Variants in LARGE1 observed in about 807,000 individuals in gnomAD.
The protein encoded by LARGE1 is xylosyl- and glucuronyltransferase LARGE1.
LARGE1 carries 43 observed loss-of-function variants against 87.6 expected under a neutral mutation model. The ratio of observed to expected loss-of-function variants is 0.49; its 90% CI spans 0.38 to 0.63. LARGE1 has a LOEUF of 0.63. Among genes scored for constraint, LARGE1 ranks in the 30% least tolerant of loss-of-function variants. The pLI is 0.00. For missense variants in LARGE1, 802 were observed against 1,000.2 expected, an observed-to-expected ratio of 0.80 and a Z score of 2.67; for synonymous variants, 434 against 394.6, an observed-to-expected ratio of 1.10 and a Z score of -1.18.
intron 9 of LARGE1, among the ~76,000 whole-genome samples, chr22:33,378,906 T>C (rs2065068902): frequency 6.6e-6 from 1 of 152,140 alleles, no homozygotes. Context: ...CTCCTGAAAC[T>C]CTGGGAAACA....
At chr22:33,801,272 T>A (rs2086152644) in intron 1 of LARGE1, among the ~76,000 whole-genome samples, 1 of 152,192 alleles carries the variant, frequency 6.6e-6, no homozygotes, top group African/African-American at 2.4e-5. Context: ...AATGTACTAA[T>A]ACATATGGTA....
At chr22:33,881,546 C>G (rs1170870883) in intron 1 of LARGE1, among the ~76,000 whole-genome samples, 2 of 152,194 alleles carry the variant, frequency 1.3e-5, no homozygotes, top group Non-Finnish European at 2.9e-5. Flanking sequence ...CAGAGTCTTA[C>G]AAAAATATGT....
intron 2 of LARGE1, among the ~76,000 whole-genome samples, chr22:33,670,625 T>C (rs776836987): frequency 1.8e-4 from 27 of 152,122 alleles, no homozygotes; most frequent in Non-Finnish European, 3.2e-4. Flanking sequence ...TAGTTCACAG[T>C]TTCAACATTA....
intron 1 of LARGE1, among the ~76,000 whole-genome samples, chr22:33,831,749 T>TACACACAC (rs5845118): frequency 0.024 from 3,495 of 146,822 alleles, 65 homozygotes; most frequent in African/African-American, 0.043. Flanking sequence ...CACATGCATG[T>TACACACAC]ACACACACAC....
intron 1 of LARGE1, among the ~76,000 whole-genome samples, chr22:33,789,973 T>G (rs1351727063): frequency 6.6e-6 from 1 of 152,054 alleles, no homozygotes; most frequent in Non-Finnish European, 1.5e-5. Context: ...GAAGGCATAA[T>G]TGGTTTTGAA....
intron 4 of LARGE1, among the ~76,000 whole-genome samples, chr22:33,618,282 C>T (rs527671334): frequency 6.6e-6 from 1 of 152,166 alleles, no homozygotes; most frequent in African/African-American, 2.4e-5. Flanking sequence ...AAGAACAGAG[C>T]AACTTTCAAG....
rs533170765 is a variant in LARGE1 at position 33,699,949 on chromosome 22, ATGTCTATTT to A, written c.107-49290_107-49282del. Among the ~76,000 whole-genome samples, 703 of 152,224 alleles carry A rather than the reference ATGTCTATTT, an allele frequency of 4.6e-3. 5 individuals are homozygous for A. Among genetic ancestry groups the A allele is most frequent in the African/African-American group, 0.015 (614 of 41,528 alleles). ...TCTAATTTCTCTGTATTTAATTCCC[ATGTCTATTT>A]TGTCTATTTTCAAGATTGATTTACA... is the stretch of plus-strand genomic sequence containing the variant. On this transcript the variant is annotated intron_variant, in intron 2 of 14. Transcript: ENST00000397394.
Position 33,849,419 on chromosome 22 carries a change from G to A in LARGE1, c.-83+70576C>T, listed in dbSNP as rs1428464354. 4.6e-5 allele frequency among the ~76,000 whole-genome samples: 7 copies of A among 152,148 alleles called. No homozygotes were observed. In the East Asian group the frequency reaches 9.7e-4, roughly 21 times the overall value. The stretch of plus-strand genomic sequence containing the variant: ...TCAGAGGATACGAATGCTATAGGGT[G>A]AGGGCAGGAGCTCCAGTCTACTGAA... On this transcript the variant is annotated intron_variant, in intron 1 of 14. Coordinates refer to ENST00000397394, the MANE Select transcript of LARGE1 (RefSeq NM_133642.5).
intron 4 of LARGE1, among the ~76,000 whole-genome samples, chr22:33,611,258 G>A (rs1322957473): frequency 3.3e-5 from 5 of 152,232 alleles, no homozygotes. Flanking sequence ...CTTTGTGCTT[G>A]GAAAAGCAAC....
chr22:33,596,049 C>T (rs966323229), intron 5 of LARGE1, among the ~76,000 whole-genome samples: 1 of 152,102 alleles, frequency 6.6e-6, no homozygotes, highest in African/African-American at 2.4e-5. Flanking sequence ...AGATTAATGA[C>T]CATTTGTATA....
intron 11 of LARGE1, among the ~76,000 whole-genome samples, chr22:33,184,502 TA>T (rs1923369101): frequency 6.6e-6 from 1 of 151,668 alleles, no homozygotes; most frequent in Non-Finnish European, 1.5e-5. Flanking sequence ...TGGCTTAAAA[TA>T]AGTTATCAAA....
At chr22:33,547,370 A>T (rs1015962733) in intron 6 of LARGE1, among the ~76,000 whole-genome samples, 3 of 152,064 alleles carry the variant, frequency 2.0e-5, no homozygotes, top group Non-Finnish European at 4.4e-5. Flanking sequence ...CTACTATGGG[A>T]ATCTAATCCC....
upstream of LARGE1, among the ~76,000 whole-genome samples, chr22:33,921,261 G>C (rs1280405956): frequency 1.3e-5 from 2 of 152,154 alleles, no homozygotes; most frequent in African/African-American, 4.8e-5. This position sits in a 1 kb window ranked among gnomAD's most constrained non-coding sequence, Gnocchi z 4.1. Flanking sequence ...ACCCGGAGCC[G>C]GGATCCCGGG....
intron 6 of LARGE1, among the ~76,000 whole-genome samples, chr22:33,543,230 C>G (rs991625114): frequency 1.3e-5 from 2 of 151,456 alleles, no homozygotes; most frequent in Non-Finnish European, 2.9e-5. Flanking sequence ...AAAAAAAGGC[C>G]CAGGATGGTG....
chr22:33,416,729 G>T (rs186789472), intron 7 of LARGE1, among the ~76,000 whole-genome samples: 2 of 151,806 alleles, frequency 1.3e-5, no homozygotes, highest in Non-Finnish European at 2.9e-5. Flanking sequence ...TCAGCTTCTA[G>T]AGTAGCTGGG....
chr22:33,495,460 C>T (rs1345751003), intron 6 of LARGE1, among the ~76,000 whole-genome samples: 1 of 152,208 alleles, frequency 6.6e-6, no homozygotes, highest in Non-Finnish European at 1.5e-5. Flanking sequence ...GTGGCTCACA[C>T]CTGTAATCCC....
At chr22:33,764,463 C>T (rs1018555397) in intron 1 of LARGE1, among the ~76,000 whole-genome samples, 26 of 152,082 alleles carry the variant, frequency 1.7e-4, no homozygotes, top group African/African-American at 6.0e-4. Context: ...ACTTATAATA[C>T]CTAATGCAGG....
chr22:33,714,069 G>C (rs1357468351), intron 2 of LARGE1, among the ~76,000 whole-genome samples: 1 of 151,048 alleles, frequency 6.6e-6, no homozygotes. Context: ...AATAATGAAA[G>C]CAGAATCATC....
At chr22:33,293,618 G>T (rs984577839) in intron 12 of LARGE1, among the ~76,000 whole-genome samples, 6 of 152,114 alleles carry the variant, frequency 3.9e-5, no homozygotes, top group African/African-American at 1.4e-4. Flanking sequence ...GAGTGGTTAG[G>T]AATGGCAAAA....
Sources: allele counts gnomAD v4.1 joint callset (sites outside exome capture counted in the v4.1 genomes callset), GRCh38; gene constraint gnomAD v4.1.1; non-coding constraint Gnocchi (gnomAD v3.1); transcripts MANE v1.5; gene names NCBI Gene and HGNC (gene_info 2026-07-23, HGNC 2026-07-21).